Variants in GRAMD1C observed in about 807,000 individuals in gnomAD.
GRAMD1C encodes the protein GRAM domain containing 1C, also known as protein Aster-C.
In GRAMD1C, 89 loss-of-function variants were observed where a neutral mutation model predicts 97.8. That is an observed-to-expected ratio of 0.91 (90% CI 0.77 to 1.09). GRAMD1C has a LOEUF of 1.09. Ranked by LOEUF, GRAMD1C falls within the 50% of genes least tolerant of loss-of-function variation. The pLI is 0.00. For synonymous variants in GRAMD1C, 256 were observed against 267.0 expected, an observed-to-expected ratio of 0.96 and a Z score of 0.40; for missense variants, 740 against 766.4, an observed-to-expected ratio of 0.97 and a Z score of 0.41.
At chr3:113,898,634 G>T (rs1936027621) in intron 6 of GRAMD1C, among the ~76,000 whole-genome samples, 1 of 151,900 alleles carries the variant, frequency 6.6e-6, no homozygotes. Flanking sequence ...TACCAAATAA[G>T]GGGTATACAT....
intron 2 of GRAMD1C, among the ~76,000 whole-genome samples, chr3:113,859,498 A>G (rs1479231909): frequency 1.3e-5 from 2 of 152,210 alleles, no homozygotes; most frequent in Non-Finnish European, 2.9e-5. Flanking sequence ...GGCTGAGTAT[A>G]TAGTCTATTT....
intron 6 of GRAMD1C, among the ~76,000 whole-genome samples, chr3:113,890,465 T>C (rs890676140): frequency 6.6e-6 from 1 of 152,242 alleles, no homozygotes; most frequent in African/African-American, 2.4e-5. Flanking sequence ...CTCAGCTCTA[T>C]GCTGCCCTCC....
chr3:113,911,771 G>A (rs1172026684), intron 9 of GRAMD1C, among the ~76,000 whole-genome samples: 3 of 85,488 alleles, frequency 3.5e-5, no homozygotes, highest in South Asian at 4.7e-4. Context: ...TCTGTCCCCT[G>A]AGCTAGAGTG....
chr3:113,915,952 T>G, intron 10 of GRAMD1C, 114 bp downstream of exon 10: 1 of 802,960 alleles, frequency 1.2e-6, no homozygotes, highest in Non-Finnish European at 2.0e-6. Context: ...AGACATGCTT[T>G]GCTTTTATGT....
upstream of GRAMD1C, among the ~76,000 whole-genome samples, chr3:113,836,251 G>A (rs534418018): frequency 3.3e-5 from 5 of 152,196 alleles, no homozygotes; most frequent in Non-Finnish European, 5.9e-5. Flanking sequence ...GGGACAGAAC[G>A]AGACTCTGTC....
chr3:113,943,627 T>C (rs1305097214), intron 17 of GRAMD1C, among the ~76,000 whole-genome samples: 1 of 152,162 alleles, frequency 6.6e-6, no homozygotes, highest in Admixed American at 6.5e-5. Context: ...TAAAAACATC[T>C]CCTTGGCTGG....
At chr3:113,836,645 T>A (rs1188803952), upstream of GRAMD1C, among the ~76,000 whole-genome samples, 1 of 150,276 alleles carries the variant, frequency 6.7e-6, no homozygotes, top group Non-Finnish European at 1.5e-5. Context: ...ATTATTATTA[T>A]TTATTATTAT....
At chr3:113,876,704 C>T (rs954993897) in intron 5 of GRAMD1C, among the ~76,000 whole-genome samples, 2 of 151,854 alleles carry the variant, frequency 1.3e-5, no homozygotes, top group African/African-American at 4.8e-5. Context: ...TTATTATTCA[C>T]CTACAATGTC....
In GRAMD1C at chr3:113,882,796, T is replaced by G. The variant is rs760981656; in HGVS notation, c.504T>G (p.Ser168Arg). The G allele has an allele frequency of 6.3e-7, 1 of 1,596,476 alleles. No individual in the cohort carries two copies. The highest frequency in any genetic ancestry group is 1.1e-5 in the South Asian group (1 of 90,548). The part of the protein sequence containing the change: ...SFGARDRSYL[S>R]IFRLWQNVLL... The stretch of plus-strand genomic sequence containing the variant: ...GTGCCAGGGATAGAAGTTACCTCAG[T>G]ATCTTTAGGTTGTGGCAGAATGTAT... Residue 168 changes from serine (S) to arginine (R), a missense_variant, in exon 6 of 18, where the codon AGT becomes AGG. By Grantham distance (110) the Ser-to-Arg change is moderately radical. Coordinates refer to ENST00000358160, the MANE Select transcript of GRAMD1C (RefSeq NM_017577.5).
chr3:113,877,787 T>A (rs1405397809), intron 5 of GRAMD1C, among the ~76,000 whole-genome samples: 1 of 152,130 alleles, frequency 6.6e-6, no homozygotes, highest in Non-Finnish European at 1.5e-5. Flanking sequence ...GAAAGGTTTT[T>A]TTTTTTTAGA....
Position 113,908,951 on chromosome 3 carries a change from C to A in GRAMD1C, c.790-7C>A, listed in dbSNP as rs1163982858. 3.3e-6 allele frequency: 5 copies of A among 1,534,232 alleles called. No homozygotes were observed. The highest frequency in any genetic ancestry group is 4.6e-5 in the Admixed American group (2 of 43,564). On this transcript the variant is annotated splice_region_variant and splice_polypyrimidine_tract_variant and intron_variant, in intron 8 of 17. Transcript: ENST00000358160. ...TTTATTTTGAAACTGGATTGTTTAC[C>A]TTTTAGGGATTAGGCAAAGAGGAGT...
rs770287279 is a variant in GRAMD1C, at chr3:113,915,839, G to A, written c.1090+1G>A. 4 of 1,603,650 alleles carry A rather than the reference G, an allele frequency of 2.5e-6. No homozygotes were observed. Among genetic ancestry groups the A allele is most frequent in the Middle Eastern group, 3.3e-4 (2 of 6,038 alleles). On this transcript the variant is annotated splice_donor_variant, in intron 10 of 17. Coordinates refer to ENST00000358160, the MANE Select transcript of GRAMD1C (RefSeq NM_017577.5). LOFTEE classifies it high-confidence loss of function. Reference sequence around the variant, plus strand: ...TTTGCCAGTTCTAGAAATATAATAGGTTAGTCCTTGTGTTCTTACCTAATG... The same window carrying A: ...TTTGCCAGTTCTAGAAATATAATAGATTAGTCCTTGTGTTCTTACCTAATG...
chr3:113,832,491 T>C (rs1709572283), intron 1 of GRAMD1C, among the ~76,000 whole-genome samples: 1 of 152,218 alleles, frequency 6.6e-6, no homozygotes, highest in South Asian at 2.1e-4. Context: ...CCATTTCAAG[T>C]ATGGTTCAGT....
chr3:113,870,104 G>T (rs1934736826), intron 3 of GRAMD1C, among the ~76,000 whole-genome samples: 1 of 152,074 alleles, frequency 6.6e-6, no homozygotes, highest in Non-Finnish European at 1.5e-5. Context: ...ACTCATGCCT[G>T]TTATCCCAGC....
chr3:113,850,728 A>G (rs377107547), intron 2 of GRAMD1C: 41 of 1,510,054 alleles, frequency 2.7e-5, no homozygotes, highest in African/African-American at 2.2e-4. Context: ...TTAGGCATCA[A>G]CATCTCCGCT....
At chr3:113,901,252 C>T in intron 7 of GRAMD1C, 106 bp downstream of exon 7, 2 of 656,658 alleles carry the variant, frequency 3.0e-6, no homozygotes, top group Non-Finnish European at 5.5e-6. Context: ...TCTTTGGCTG[C>T]CATTTGCCCC....
At chr3:113,840,269 C>G (rs1709749775) in intron 1 of GRAMD1C, among the ~76,000 whole-genome samples, 1 of 152,026 alleles carries the variant, frequency 6.6e-6, no homozygotes, top group African/African-American at 2.4e-5. Context: ...GCGCCCGGCC[C>G]TGAAAAAGTC....
chr3:113,863,411 C>G (rs1046442529), intron 2 of GRAMD1C, among the ~76,000 whole-genome samples: 3 of 151,978 alleles, frequency 2.0e-5, no homozygotes, highest in Non-Finnish European at 2.9e-5. Context: ...TATGAAATTT[C>G]CAGAATTAGC....
At chr3:113,850,845 A>G (rs1157762923) in intron 2 of GRAMD1C, 2 of 403,746 alleles carry the variant, frequency 5.0e-6, no homozygotes, top group African/African-American at 4.2e-5. Context: ...TCTGTCACCC[A>G]GGCAGGAGTG....
Sources: allele counts gnomAD v4.1 joint callset (sites outside exome capture counted in the v4.1 genomes callset), GRCh38; gene constraint gnomAD v4.1.1; transcripts MANE v1.5; gene names NCBI Gene and HGNC (gene_info 2026-07-23, HGNC 2026-07-21).